SRFBP1: variants seen among roughly 807,000 people sequenced by gnomAD.
SRFBP1 encodes serum response factor-binding protein 1.
A neutral mutation model predicts 45.5 loss-of-function variants in SRFBP1; 47 were observed. The ratio of observed to expected loss-of-function variants is 1.03; its 90% CI spans 0.82 to 1.32. The LOEUF (loss-of-function observed/expected upper bound fraction) is 1.32, where lower values mean the gene tolerates loss of function less well. Among genes scored for constraint, SRFBP1 ranks in the 40% most tolerant of loss-of-function variants. SRFBP1 has a pLI of 0.00. For missense variants in SRFBP1, 621 were observed against 484.6 expected (o/e 1.28, Z -2.64); for synonymous variants, 203 against 166.3 (o/e 1.22, Z -1.70).
Position 121,994,688 on chromosome 5 carries a change from T to A in SRFBP1, c.270+18T>A. ...TCAAAAAGGTATATCTGCAATAGAT[T>A]ATATTTGTCTTATGAAAAGTTTCTC... is the stretch of plus-strand genomic sequence containing the variant. On this transcript the variant is annotated intron_variant, in intron 4 of 7. Transcript: ENST00000339397. 1 of 1,481,552 alleles carries A rather than the reference T, an allele frequency of 6.7e-7. No individual in the cohort carries two copies. Among genetic ancestry groups the A allele is most frequent in the Non-Finnish European group, 9.2e-7 (1 of 1,091,546 alleles). 91.8% of individuals were successfully genotyped at this position (1,481,552 alleles called of 1,614,324 possible). A position where few individuals can be genotyped will look rare whatever the true frequency, so the allele number is the denominator to read the frequency against.
chr5:122,033,018 A>C (rs1228290221), downstream of SRFBP1, among the ~76,000 whole-genome samples: 1 of 152,046 alleles, frequency 6.6e-6, no homozygotes, highest in Admixed American at 6.6e-5. Flanking sequence ...TTGTGACAGT[A>C]AGATGGGTAA....
intron 4 of SRFBP1, among the ~76,000 whole-genome samples, chr5:122,001,218 C>T (rs1028139579): frequency 4.0e-5 from 6 of 151,442 alleles, no homozygotes; most frequent in African/African-American, 1.5e-4. Flanking sequence ...ATCATAACTA[C>T]TTGAGTAAAA....
At chr5:121,980,108 G>A (rs967785007) in intron 3 of SRFBP1, among the ~76,000 whole-genome samples, 1 of 152,086 alleles carries the variant, frequency 6.6e-6, no homozygotes, top group Admixed American at 6.5e-5. Context: ...TAGATCCCAA[G>A]ACAGCTACTT....
chr5:122,030,873 G>A (rs1352636646), downstream of SRFBP1, among the ~76,000 whole-genome samples: 17 of 152,110 alleles, frequency 1.1e-4, no homozygotes, highest in Admixed American at 1.1e-3. Context: ...GTTCAGAAAG[G>A]TTGAACAACT....
chr5:122,062,989 G>A (rs992564912), intron 2 of SRFBP1, among the ~76,000 whole-genome samples: 20 of 151,914 alleles, frequency 1.3e-4, no homozygotes, highest in African/African-American at 4.1e-4. Context: ...TGGTACTGGT[G>A]ATAAAAGTTT....
intron 3 of SRFBP1, among the ~76,000 whole-genome samples, chr5:121,991,093 G>A (rs147013746): frequency 7.5e-4 from 114 of 152,194 alleles, no homozygotes; most frequent in African/African-American, 2.3e-3. Context: ...GAAGTTGTCC[G>A]TCATCCCAGG....
intron 4 of SRFBP1, among the ~76,000 whole-genome samples, chr5:122,007,274 G>C (rs1365087410): frequency 6.6e-6 from 1 of 152,012 alleles, no homozygotes; most frequent in East Asian, 1.9e-4. Flanking sequence ...TGGGGCCTCA[G>C]TCCATGGCAT....
At chr5:121,975,471 T>G in intron 3 of SRFBP1, 84 bp downstream of exon 3, 1 of 1,451,112 alleles carries the variant, frequency 6.9e-7, no homozygotes, top group Non-Finnish European at 9.6e-7. Flanking sequence ...GTATTGCTTA[T>G]TTGAATATTC....
chr5:121,999,585 C>T (rs531794459), intron 4 of SRFBP1, among the ~76,000 whole-genome samples: 15 of 152,024 alleles, frequency 9.9e-5, no homozygotes, highest in African/African-American at 3.6e-4. Flanking sequence ...GATCTTTCAG[C>T]TTTGTCACTT....
At chr5:121,974,360 T>C (rs1752260960) in intron 2 of SRFBP1, 76 bp downstream of exon 2, 2 of 1,032,104 alleles carry the variant, frequency 1.9e-6, no homozygotes, top group Non-Finnish European at 3.0e-6. Context: ...TTAAAATGTT[T>C]AGGGTGGGAT....
intron 2 of SRFBP1, among the ~76,000 whole-genome samples, chr5:122,034,002 T>G (rs1427301555): frequency 6.6e-6 from 1 of 151,440 alleles, no homozygotes; most frequent in Non-Finnish European, 1.5e-5. Context: ...TTTCGGGTTT[T>G]TAGTAGAGAT....
intron 2 of SRFBP1, among the ~76,000 whole-genome samples, chr5:122,056,834 C>T (rs995728828): frequency 2.6e-5 from 4 of 152,052 alleles, no homozygotes; most frequent in African/African-American, 9.7e-5. Flanking sequence ...CAGGGCATGT[C>T]CTTTACTCCT....
Position 122,028,147 on chromosome 5 carries a change from G to GT in SRFBP1, c.*1024dup, listed in dbSNP as rs1344449192. Reference sequence around the variant, plus strand: ...CAGAAATTTTTAAATCCCTTCAAATGTTTCACTTTTGCTATGCTGGGAAAA... The same window carrying GT: ...CAGAAATTTTTAAATCCCTTCAAATGTTTTCACTTTTGCTATGCTGGGAAAA... On this transcript the variant is annotated 3_prime_UTR_variant, in exon 8 of 8. Coordinates refer to ENST00000339397, the MANE Select transcript of SRFBP1 (RefSeq NM_152546.3). The GT allele has an allele frequency of 6.6e-6, 1 of 152,110 alleles. No individual in the cohort carries two copies. The highest frequency in any genetic ancestry group is 2.4e-5 in the African/African-American group (1 of 41,422). The allele number at this position is 152,110 out of a possible 1,614,324, so 9.4% of individuals were successfully genotyped here. A position where few individuals can be genotyped will look rare whatever the true frequency, so the allele number is the denominator to read the frequency against.
intron 2 of SRFBP1, among the ~76,000 whole-genome samples, chr5:122,051,789 G>A (rs1206222191): frequency 1.3e-5 from 2 of 152,078 alleles, no homozygotes; most frequent in Non-Finnish European, 2.9e-5. Context: ...ATTTGATCCT[G>A]TCATCATGTT....
chr5:122,028,166 G>A lies in SRFBP1; in HGVS notation c.*1040G>A, dbSNP rs1380799741. 1.3e-5 allele frequency: 2 copies of A among 152,170 alleles called. No homozygotes were observed. The highest frequency in any genetic ancestry group is 4.8e-5 in the African/African-American group (2 of 41,448). 9.4% of individuals were successfully genotyped at this position (152,170 alleles called of 1,614,324 possible). On this transcript the variant is annotated 3_prime_UTR_variant, in exon 8 of 8. Transcript: ENST00000339397. Reference sequence around the variant, plus strand: ...TCAAATGTTTCACTTTTGCTATGCTGGGAAAAATTTTGAAGTTCTTGGTAA... The same window carrying A: ...TCAAATGTTTCACTTTTGCTATGCTAGGAAAAATTTTGAAGTTCTTGGTAA...
Position 122,074,305 on chromosome 5 carries a change from G to A in SRFBP1, n.312-1010G>A, listed in dbSNP as rs1754550206. The A allele has an allele frequency of 4.3e-6, 3 of 690,042 alleles. No individual in the cohort carries two copies. In the East Asian group the frequency reaches 8.1e-5, roughly 19 times the overall value. The allele number at this position is 690,042 out of a possible 1,614,324, so 42.7% of individuals were successfully genotyped here. A position where few individuals can be genotyped will look rare whatever the true frequency, so the allele number is the denominator to read the frequency against. ...GAGACCAAATTTATCTTCTAAAAGA[G>A]AGATTCATGCTAGGGTTTTTTTTTC... On this transcript the variant is annotated intron_variant and non_coding_transcript_variant, in intron 2 of 2. Coordinates refer to the SRFBP1 transcript ENST00000504881.
rs1753244039 is a variant in SRFBP1 at position 122,019,156 on chromosome 5, T to A, written c.271-104T>A. 3.1e-6 allele frequency: 3 copies of A among 954,372 alleles called. No individual in the cohort carries two copies. The East Asian group carries it at 7.8e-5, about 25-fold the overall frequency. 59.1% of individuals were successfully genotyped at this position (954,372 alleles called of 1,614,324 possible). On this transcript the variant is annotated intron_variant, in intron 4 of 7. Coordinates refer to ENST00000339397, the MANE Select transcript of SRFBP1 (RefSeq NM_152546.3). ...AGGAGAATATTAACTAGTTCTATTC[T>A]CCAACTCTAATTTTAAAGACTATGA... is the stretch of plus-strand genomic sequence containing the variant.
rs991521652 is a variant in SRFBP1 at position 122,027,648 on chromosome 5, A to T, written c.*522A>T. 2 of 152,158 alleles carry T rather than the reference A, an allele frequency of 1.3e-5. No homozygotes were observed. The highest frequency in any genetic ancestry group is 4.8e-5 in the African/African-American group (2 of 41,442). 9.4% of individuals were successfully genotyped at this position (152,158 alleles called of 1,614,324 possible). Reference sequence around the variant, plus strand: ...ATATATTTAAAATAATAATGGAAACATAGGAAATCAGCTATTTAAACCAGA... The same window carrying T: ...ATATATTTAAAATAATAATGGAAACTTAGGAAATCAGCTATTTAAACCAGA... On this transcript the variant is annotated 3_prime_UTR_variant, in exon 8 of 8. Coordinates refer to ENST00000339397, the MANE Select transcript of SRFBP1 (RefSeq NM_152546.3).
chr5:121,982,213 G>A (rs1249216437), intron 3 of SRFBP1, among the ~76,000 whole-genome samples: 1 of 151,842 alleles, frequency 6.6e-6, no homozygotes, highest in Admixed American at 6.6e-5. Flanking sequence ...TTCTAAAAGA[G>A]CAAACAAGAT....
Sources: gnomAD v4.1 joint callset for allele counts (sites outside exome capture counted in the v4.1 genomes callset) on GRCh38, gnomAD v4.1.1 for gene constraint, MANE v1.5 for transcripts, NCBI Gene and HGNC (gene_info 2026-07-23, HGNC 2026-07-21) for gene names.